ZNF385D: variants seen among roughly 807,000 people sequenced by gnomAD.
ZNF385D encodes zinc finger protein 385D.
ZNF385D carries 15 observed loss-of-function variants against 35.8 expected under a neutral mutation model. The observed-to-expected ratio is 0.42, with a 90% CI of 0.28 to 0.64. The LOEUF (loss-of-function observed/expected upper bound fraction) is 0.64, where lower values mean the gene tolerates loss of function less well. Ranked by LOEUF, ZNF385D falls within the 30% of genes least tolerant of loss-of-function variation. The pLI, the probability that ZNF385D is intolerant of heterozygous loss-of-function variation, is 0.23. For missense variants in ZNF385D, 474 were observed against 494.6 expected, an observed-to-expected ratio of 0.96 and a Z score of 0.39; for synonymous variants, 212 against 186.8, an observed-to-expected ratio of 1.13 and a Z score of -1.10.
intron 3 of ZNF385D, among the ~76,000 whole-genome samples, chr3:21,879,339 T>G (rs1024345006): frequency 2.4e-4 from 36 of 151,974 alleles, no homozygotes; most frequent in African/African-American, 8.7e-4. Context: ...TGGGATCCGT[T>G]TATTGCCATC....
rs547465938 is a variant in ZNF385D, at chr3:21,954,909, G to A, written c.325+213908C>T. Among the ~76,000 whole-genome samples, 5 of 152,180 alleles carry A rather than the reference G, an allele frequency of 3.3e-5. No individual in the cohort carries two copies. In the South Asian group the frequency reaches 1.0e-3, roughly 32 times the overall value. On this transcript the variant is annotated intron_variant, in intron 3 of 5. Transcript: ENST00000494108. ...GAAAAGGAATGTAGCACAATCTAAT[G>A]TTGAAACTGTGACTAGCCCCAAGCA...
chr3:21,648,497 G>A (rs2065819438), intron 2 of ZNF385D, among the ~76,000 whole-genome samples: 2 of 152,154 alleles, frequency 1.3e-5, no homozygotes, highest in South Asian at 4.1e-4. Flanking sequence ...CAGAACTGCT[G>A]TGCAAATTGC....
intron 3 of ZNF385D, among the ~76,000 whole-genome samples, chr3:21,848,048 TTAAA>T (rs1696127431): frequency 6.6e-6 from 1 of 152,066 alleles, no homozygotes; most frequent in South Asian, 2.1e-4. Context: ...GTGTGACTAT[TTAAA>T]TACCTTATAT....
chr3:21,863,541 G>GAAA (rs1697173777), intron 3 of ZNF385D, among the ~76,000 whole-genome samples: 3 of 152,088 alleles, frequency 2.0e-5, no homozygotes, highest in Admixed American at 6.6e-5. Flanking sequence ...CAAAGGAAAG[G>GAAA]TTTTAAACCT....
At chr3:21,834,755 C>A (rs1695216433) in intron 3 of ZNF385D, among the ~76,000 whole-genome samples, 1 of 104,972 alleles carries the variant, frequency 9.5e-6, no homozygotes, top group Non-Finnish European at 1.9e-5. Flanking sequence ...ACAGTGGGAT[C>A]TCGTGGGAGA....
In ZNF385D at chr3:21,646,800, C is replaced by T. The variant is rs547861131; in HGVS notation, c.165+18086G>A. The stretch of plus-strand genomic sequence containing the variant: ...TCTGGGCCTATGGCTTTCATACATT[C>T]GGTCACAAATAGAAAGCAATGTTAA... On this transcript the variant is annotated intron_variant, in intron 2 of 7. Transcript: ENST00000281523. This position sits in a 1 kb window ranked among gnomAD's most constrained non-coding sequence, Gnocchi z 4.3. Among the ~76,000 whole-genome samples the T allele has an allele frequency of 1.3e-3, 198 of 152,246 alleles. 2 individuals are homozygous for T. The highest frequency in any genetic ancestry group is 1.1e-3 in the Non-Finnish European group (73 of 68,004).
In ZNF385D at chr3:22,117,363, C is replaced by A. The variant is rs143657651; in HGVS notation, c.325+51454G>T. ...GGTTCTCTGAAACTGAATGAGTAAA[C>A]CTGTTTCGTATGAGTGTTAGTTGTG... On this transcript the variant is annotated intron_variant, in intron 3 of 5. Transcript: ENST00000494108. Among the ~76,000 whole-genome samples the A allele has an allele frequency of 3.3e-5, 5 of 151,962 alleles. No homozygotes were observed. The East Asian group carries it at 7.7e-4, about 24-fold the overall frequency.
At chr3:22,101,580 C>T (rs962435029) in intron 3 of ZNF385D, among the ~76,000 whole-genome samples, 6 of 152,034 alleles carry the variant, frequency 3.9e-5, no homozygotes, top group African/African-American at 9.7e-5. Flanking sequence ...TCTATTTATA[C>T]TGTGCTAAGA....
At chr3:21,909,571 A>G (rs975510718) in intron 3 of ZNF385D, among the ~76,000 whole-genome samples, 34 of 150,842 alleles carry the variant, frequency 2.3e-4, no homozygotes, top group Non-Finnish European at 4.4e-4. Flanking sequence ...AGGCATAAAA[A>G]TTCTGCTTCA....
rs548684558 is a variant in ZNF385D at position 21,668,221 on chromosome 3, CCTTACCTAAGGT to C, written c.23-3205_23-3194del. 4.6e-5 allele frequency among the ~76,000 whole-genome samples: 7 copies of C among 152,244 alleles called. No homozygotes were observed. In the South Asian group the frequency reaches 1.5e-3, roughly 32 times the overall value. On this transcript the variant is annotated intron_variant, in intron 1 of 7. Coordinates refer to ENST00000281523, the MANE Select transcript of ZNF385D (RefSeq NM_024697.3). ...AATTGCCCTGGGCCAAAGGGAGCTG[CCTTACCTAAGGT>C]GACCCTTAAGTGGAGGAGTTGATAG... is the stretch of plus-strand genomic sequence containing the variant.
chr3:21,706,271 T>C (rs1038816104), intron 1 of ZNF385D, among the ~76,000 whole-genome samples: 2 of 152,202 alleles, frequency 1.3e-5, no homozygotes, highest in African/African-American at 4.8e-5. Context: ...ATCAGCTTTT[T>C]TTTTTTCCTA....
intron 3 of ZNF385D, among the ~76,000 whole-genome samples, chr3:22,008,902 T>C (rs569706269): frequency 3.9e-5 from 6 of 152,250 alleles, no homozygotes; most frequent in South Asian, 2.1e-4. Flanking sequence ...TGAAAATTAA[T>C]GAGAGGCATG....
intron 3 of ZNF385D, among the ~76,000 whole-genome samples, chr3:21,527,528 T>C (rs1708297450): frequency 6.6e-6 from 1 of 152,196 alleles, no homozygotes; most frequent in Non-Finnish European, 1.5e-5. Context: ...GAATGATTTA[T>C]TGGTTATCTT....
At chr3:22,004,761 T>C (rs1456905990) in intron 3 of ZNF385D, among the ~76,000 whole-genome samples, 2 of 152,184 alleles carry the variant, frequency 1.3e-5, no homozygotes, top group African/African-American at 4.8e-5. Context: ...CTCAAAAGAA[T>C]GCAACCTTTT....
At chr3:21,757,655 C>T (rs773821362) in intron 3 of ZNF385D, among the ~76,000 whole-genome samples, 5 of 152,152 alleles carry the variant, frequency 3.3e-5, no homozygotes, top group African/African-American at 9.7e-5. Flanking sequence ...AAATTACAGA[C>T]ACCTCTGTAT....
chr3:21,522,729 C>A (rs1707988260), intron 3 of ZNF385D, among the ~76,000 whole-genome samples: 1 of 152,108 alleles, frequency 6.6e-6, no homozygotes, highest in Non-Finnish European at 1.5e-5. Context: ...GGGACAGTGG[C>A]AATGACTCTA....
intron 3 of ZNF385D, among the ~76,000 whole-genome samples, chr3:22,027,929 C>T (rs951494348): frequency 1.3e-5 from 2 of 152,196 alleles, no homozygotes; most frequent in African/African-American, 4.8e-5. Flanking sequence ...TGGAGAGCTG[C>T]AGCACTACAG....
chr3:21,688,912 A>T (rs1162042576), intron 1 of ZNF385D, among the ~76,000 whole-genome samples: 1 of 152,176 alleles, frequency 6.6e-6, no homozygotes, highest in Non-Finnish European at 1.5e-5. Flanking sequence ...TTCCAACAAC[A>T]TACTACAATA....
intron 2 of ZNF385D, among the ~76,000 whole-genome samples, chr3:21,604,937 A>T (rs555963694): frequency 6.6e-6 from 1 of 152,366 alleles, no homozygotes; most frequent in Admixed American, 6.5e-5. Flanking sequence ...GACAAAGAGG[A>T]GCCAGGTCAG....
Sources: allele counts gnomAD v4.1 joint callset (sites outside exome capture counted in the v4.1 genomes callset), GRCh38; gene constraint gnomAD v4.1.1; non-coding constraint Gnocchi (gnomAD v3.1); transcripts MANE v1.5; gene names NCBI Gene and HGNC (gene_info 2026-07-23, HGNC 2026-07-21).